The following ZYG11B variants were observed in gnomAD, a reference collection of about 807,000 sequenced individuals.
ZYG11B encodes the protein zyg-11 family member B, cell cycle regulator.
Under a neutral mutation model 82.4 loss-of-function variants are expected in ZYG11B, and 36 were observed. The observed-to-expected ratio is 0.44, with a 90% CI of 0.33 to 0.58. The LOEUF (loss-of-function observed/expected upper bound fraction) is 0.58, where lower values mean the gene tolerates loss of function less well. Among genes scored for constraint, ZYG11B ranks in the 20% least tolerant of loss-of-function variants. ZYG11B has a pLI of 0.02. For missense variants in ZYG11B, 552 were observed against 895.6 expected, an observed-to-expected ratio of 0.62 and a Z score of 4.90; for synonymous variants, 303 against 312.8, an observed-to-expected ratio of 0.97 and a Z score of 0.33.
At chr1:52,812,606 T>C (rs1421572905) in intron 10 of ZYG11B, among the ~76,000 whole-genome samples, 6 of 152,130 alleles carry the variant, frequency 3.9e-5, no homozygotes, top group Non-Finnish European at 8.8e-5. Context: ...GGTTTCTCCA[T>C]GTTGGCCAGG....
At chr1:52,739,877 A>T (rs1644410076) in intron 1 of ZYG11B, among the ~76,000 whole-genome samples, 1 of 152,174 alleles carries the variant, frequency 6.6e-6, no homozygotes, top group African/African-American at 2.4e-5. Flanking sequence ...AAGTGCTGGT[A>T]TTACAGGCAT....
At chr1:52,783,864 G>GTACA (rs1250085750) in intron 4 of ZYG11B, among the ~76,000 whole-genome samples, 1 of 145,526 alleles carries the variant, frequency 6.9e-6, no homozygotes, top group Admixed American at 6.8e-5. Context: ...GTGTGTGTAT[G>GTACA]TACATACACG....
At chr1:52,773,836 G>A (rs546437093) in intron 3 of ZYG11B, among the ~76,000 whole-genome samples, 2 of 150,244 alleles carry the variant, frequency 1.3e-5, no homozygotes, top group South Asian at 4.2e-4. Context: ...AGAGACAGGG[G>A]TTCACCATGT....
At chr1:52,767,394 G>A (rs1644707211) in intron 2 of ZYG11B, among the ~76,000 whole-genome samples, 1 of 151,914 alleles carries the variant, frequency 6.6e-6, no homozygotes, top group African/African-American at 2.4e-5. Flanking sequence ...AACCTCCGTC[G>A]CCTGGGATCA....
intron 13 of ZYG11B, among the ~76,000 whole-genome samples, chr1:52,820,270 C>G (rs1471848368): frequency 6.6e-6 from 1 of 151,776 alleles, no homozygotes; most frequent in Non-Finnish European, 1.5e-5. Context: ...AATATTTTGT[C>G]TCCAACTCAG....
chr1:52,797,229 TATA>T (rs1300525931), intron 8 of ZYG11B, among the ~76,000 whole-genome samples: 2 of 81,318 alleles, frequency 2.5e-5, no homozygotes, highest in East Asian at 3.9e-4. Context: ...ATATATATTA[TATA>T]ATATAAATTT....
chr1:52,813,418 G>A, intron 10 of ZYG11B, 118 bp from the exon 11 acceptor site: 2 of 763,940 alleles, frequency 2.6e-6, no homozygotes, highest in South Asian at 4.1e-5. Flanking sequence ...CTTTCTCTCA[G>A]GGAAATACTT....
Position 52,784,990 on chromosome 1 carries a change from A to G in ZYG11B, c.1206A>G (p.Arg402=), listed in dbSNP as rs1040613610. 1 of 1,614,068 alleles carries G rather than the reference A, an allele frequency of 6.2e-7. No individual in the cohort carries two copies. The highest frequency in any genetic ancestry group is 8.5e-7 in the Non-Finnish European group (1 of 1,180,010). The change falls in exon 5 of 14, where the codon CGA becomes CGG. Residue 402 remains arginine, a synonymous_variant. Coordinates refer to ENST00000294353, the MANE Select transcript of ZYG11B (RefSeq NM_024646.3). The part of the protein sequence containing the change: ...KQDLAAGMPV[R]LLADVTHLLL... ...ATCTTGCTGCAGGGATGCCTGTCCGACTCCTGGCTGATGTGACCCATTTGC... is the reference window on the plus strand; with the variant it reads ...ATCTTGCTGCAGGGATGCCTGTCCGGCTCCTGGCTGATGTGACCCATTTGC...
chr1:52,783,657 T>C (rs1412794488), intron 4 of ZYG11B, among the ~76,000 whole-genome samples: 1 of 148,706 alleles, frequency 6.7e-6, no homozygotes, highest in African/African-American at 2.5e-5. Flanking sequence ...GGTCTCACTC[T>C]GTCCCCCAGG....
chr1:52,813,507 A>G lies in ZYG11B; in HGVS notation c.1696-29A>G, dbSNP rs375554851. Reference sequence around the variant, plus strand: ...AACCATTTACTATACATATTACATTAATTTTTATATTTTCTTTTTTTTTTC... The same window carrying G: ...AACCATTTACTATACATATTACATTGATTTTTATATTTTCTTTTTTTTTTC... On this transcript the variant is annotated intron_variant, in intron 10 of 13. Transcript: ENST00000294353. The G allele has an allele frequency of 7.2e-6, 11 of 1,528,874 alleles. No individual in the cohort carries two copies. In the African/African-American group the frequency reaches 1.5e-4, roughly 21 times the overall value. 94.7% of individuals were successfully genotyped at this position (1,528,874 alleles called of 1,614,324 possible). A position where few individuals can be genotyped will look rare whatever the true frequency, so the allele number is the denominator to read the frequency against.
chr1:52,819,516 G>C (rs954750383), intron 13 of ZYG11B, among the ~76,000 whole-genome samples: 1 of 152,032 alleles, frequency 6.6e-6, no homozygotes, highest in Non-Finnish European at 1.5e-5. Flanking sequence ...GGCTGGGCAT[G>C]GTGGCTCACG....
chr1:52,793,868 T>TTCCTTTCCTTCCTTCCTTCC (rs1644979935), intron 6 of ZYG11B, among the ~76,000 whole-genome samples: 1 of 95,430 alleles, frequency 1.0e-5, no homozygotes, highest in African/African-American at 4.2e-5. Context: ...CTTTTCTTTC[T>TTCCTTTCCTTCCTTCCTTCC]TTCCTTCCTT....
rs144122989 is a variant in ZYG11B, at chr1:52,783,805, T to TACACACACAC, written c.1093-1071_1093-1062dup. Among the ~76,000 whole-genome samples, 732 of 134,988 alleles carry TACACACACAC rather than the reference T, an allele frequency of 5.4e-3. 16 individuals carry two copies. Among genetic ancestry groups the TACACACACAC allele is most frequent in the African/African-American group, 0.02 (693 of 35,166 alleles). 88.6% of individuals were successfully genotyped at this position (134,988 alleles called of 152,430 possible). A position where few individuals can be genotyped will look rare whatever the true frequency, so the allele number is the denominator to read the frequency against. ...GCCCAGCTTTATATATATATATATA[T>TACACACACAC]ACACACACACGTATATGTATACATA... On this transcript the variant is annotated intron_variant, in intron 4 of 13. Coordinates refer to ENST00000294353, the MANE Select transcript of ZYG11B (RefSeq NM_024646.3).
intron 5 of ZYG11B, among the ~76,000 whole-genome samples, chr1:52,789,583 G>T (rs150711193): frequency 1.1e-3 from 162 of 152,096 alleles, no homozygotes; most frequent in Non-Finnish European, 2.2e-3. Flanking sequence ...CTCTTTAGAG[G>T]CCAGTGTGTA....
At chr1:52,779,251 A>G (rs531072012) in intron 3 of ZYG11B, among the ~76,000 whole-genome samples, 1 of 152,152 alleles carries the variant, frequency 6.6e-6, no homozygotes, top group Non-Finnish European at 1.5e-5. Flanking sequence ...AGAGGCAGAT[A>G]GGATCCTAAT....
At chr1:52,743,827 A>G (rs952907945) in intron 1 of ZYG11B, among the ~76,000 whole-genome samples, 1 of 152,086 alleles carries the variant, frequency 6.6e-6, no homozygotes, top group East Asian at 1.9e-4. Flanking sequence ...GATTCAACTG[A>G]TATATTCCAA....
Position 52,802,142 on chromosome 1 carries a change from A to G in ZYG11B, c.1695+3A>G. The G allele has an allele frequency of 2.5e-6, 4 of 1,610,318 alleles. No individual in the cohort carries two copies. Among genetic ancestry groups the G allele is most frequent in the Non-Finnish European group, 2.5e-6 (3 of 1,178,982 alleles). ...AGCAGAAAGTTCTAGGACTTTTGGT[A>G]AGATATAAGCACTTCCTGCTAAGTT... On this transcript the variant is annotated splice_donor_region_variant and intron_variant, in intron 10 of 13. Coordinates refer to ENST00000294353, the MANE Select transcript of ZYG11B (RefSeq NM_024646.3).
rs751176773 is a variant in ZYG11B at position 52,796,784 on chromosome 1, GGTAA to G, written c.1485+3_1485+6del. 1 of 1,552,272 alleles carries G rather than the reference GGTAA, an allele frequency of 6.4e-7. No homozygotes were observed. ...TTGGTACTGAGCTCTTCATTGTCAG[GGTAA>G]GTCTATAATCTCCTCCATTCAGGCC... On this transcript the variant is annotated splice_donor_variant and splice_donor_region_variant and intron_variant, in intron 8 of 13. Transcript: ENST00000294353. LOFTEE classifies it high-confidence loss of function.
intron 8 of ZYG11B, among the ~76,000 whole-genome samples, chr1:52,801,287 CCTTT>C (rs918134091): frequency 6.6e-6 from 1 of 150,560 alleles, no homozygotes; most frequent in African/African-American, 2.5e-5. Context: ...TGTAGTTTTT[CCTTT>C]CTTTTTTTTC....
Sources: gnomAD v4.1 joint callset for allele counts (sites outside exome capture counted in the v4.1 genomes callset) on GRCh38, gnomAD v4.1.1 for gene constraint, MANE v1.5 for transcripts, NCBI Gene and HGNC (gene_info 2026-07-23, HGNC 2026-07-21) for gene names.